Variants in PLEKHA7 observed in about 807,000 individuals in gnomAD.
The protein encoded by PLEKHA7 is pleckstrin homology domain-containing family A member 7.
Under a neutral mutation model 170.0 loss-of-function variants are expected in PLEKHA7, and 104 were observed. That is an observed-to-expected ratio of 0.61 (90% CI 0.52 to 0.72). The LOEUF (loss-of-function observed/expected upper bound fraction) is 0.72, where lower values mean the gene tolerates loss of function less well. Ranked by LOEUF, PLEKHA7 falls within the 30% of genes least tolerant of loss-of-function variation. The probability of loss-of-function intolerance (pLI) is 0.00; values close to 1 mark genes in which losing one functional copy is unlikely to be tolerated. For missense variants in PLEKHA7, 1,615 were observed against 1,671.7 expected (o/e 0.97, Z 0.59); for synonymous variants, 648 against 660.8 (o/e 0.98, Z 0.30).
Position 16,794,520 on chromosome 11 carries a change from G to T in PLEKHA7, c.2713C>A (p.Leu905Ile). The stretch of plus-strand genomic sequence containing the variant: ...GGCTTCGCCTTAGTTGGTGACTGAA[G>T]GGGGGATGTCACTTTCCTCAGCTGG... ...PPQLRKVTSP[L>I]QSPTKAKPKV... The change falls in exon 19 of 27, where the codon CTT becomes ATT. Residue 905 changes from leucine to isoleucine, a missense_variant. Coordinates refer to ENST00000531066, the MANE Select transcript of PLEKHA7 (RefSeq NM_001329630.2). The T allele has an allele frequency of 1.2e-6, 2 of 1,613,946 alleles. No homozygotes were observed. The highest frequency in any genetic ancestry group is 1.7e-6 in the Non-Finnish European group (2 of 1,179,990).
chr11:16,928,903 TAATA>T (rs553081373), intron 3 of PLEKHA7, among the ~76,000 whole-genome samples: 21 of 152,182 alleles, frequency 1.4e-4, no homozygotes, highest in African/African-American at 4.6e-4. Flanking sequence ...AAAGTTCAGT[TAATA>T]AATAAATAAA....
chr11:16,906,843 C>T (rs1857767135), intron 3 of PLEKHA7, among the ~76,000 whole-genome samples: 1 of 136,088 alleles, frequency 7.3e-6, no homozygotes, highest in African/African-American at 3.3e-5. Context: ...AAGTGAGGAG[C>T]ATCTCTGCCC....
chr11:16,799,033 ACCTATAATC>A (rs539564119), intron 17 of PLEKHA7, among the ~76,000 whole-genome samples: 307 of 152,344 alleles, frequency 2.0e-3, no homozygotes, highest in Middle Eastern at 3.4e-3. Flanking sequence ...GATGATAGAA[ACCTATAATC>A]CCTGCTGTCC....
chr11:17,012,064 CA>C (rs1484126633), intron 3 of PLEKHA7, among the ~76,000 whole-genome samples: 1 of 152,154 alleles, frequency 6.6e-6, no homozygotes, highest in Non-Finnish European at 1.5e-5. Context: ...TCAGGCAAGC[CA>C]CTTCTAACTC....
Position 16,803,313 on chromosome 11 carries a change from TA to T in PLEKHA7, c.2008-19del, listed in dbSNP as rs770739299. On this transcript the variant is annotated intron_variant, in intron 13 of 26. Coordinates refer to ENST00000531066, the MANE Select transcript of PLEKHA7 (RefSeq NM_001329630.2). ...CCTGTCATCTGGGAGGCGAACAATT[TA>T]AAAGAGATTTAACCATGGTGTTTGA... 11 of 1,603,474 alleles carry T rather than the reference TA, an allele frequency of 6.9e-6. No homozygotes were observed. Among genetic ancestry groups the T allele is most frequent in the Non-Finnish European group, 9.4e-6 (11 of 1,170,512 alleles).
intron 17 of PLEKHA7, among the ~76,000 whole-genome samples, chr11:16,800,341 G>A (rs1848510406): frequency 2.0e-5 from 3 of 152,230 alleles, no homozygotes; most frequent in African/African-American, 7.2e-5. Flanking sequence ...GCCTTTCACT[G>A]TCTCACTTCT....
chr11:16,897,568 AGGCTTTAAATG>A (rs1226085271), intron 3 of PLEKHA7, among the ~76,000 whole-genome samples: 1 of 152,160 alleles, frequency 6.6e-6, no homozygotes, highest in Non-Finnish European at 1.5e-5. Flanking sequence ...TAAGTACACA[AGGCTTTAAATG>A]GGCCACCCGC....
chr11:16,955,794 A>G (rs1318009306), intron 3 of PLEKHA7, among the ~76,000 whole-genome samples: 1 of 152,160 alleles, frequency 6.6e-6, no homozygotes, highest in Non-Finnish European at 1.5e-5. Context: ...ATCTAAAATT[A>G]AGGCAGGCTT....
chr11:16,940,707 T>C (rs1472103119), intron 3 of PLEKHA7, among the ~76,000 whole-genome samples: 2 of 152,098 alleles, frequency 1.3e-5, no homozygotes, highest in African/African-American at 4.8e-5. Flanking sequence ...AAAATGAAGA[T>C]AATTACCTTT....
intron 3 of PLEKHA7, among the ~76,000 whole-genome samples, chr11:16,935,660 G>A (rs1860238141): frequency 6.6e-6 from 1 of 152,214 alleles, no homozygotes. Context: ...TGAAAGCCTT[G>A]TGACATTTGC....
chr11:16,824,504 A>C (rs996068159), intron 10 of PLEKHA7, among the ~76,000 whole-genome samples: 3 of 152,244 alleles, frequency 2.0e-5, no homozygotes, highest in African/African-American at 7.2e-5. Context: ...AAAAGATCTC[A>C]TGTACCCACA....
chr11:16,996,853 G>A (rs917806076), intron 3 of PLEKHA7, among the ~76,000 whole-genome samples: 6 of 152,020 alleles, frequency 3.9e-5, no homozygotes, highest in East Asian at 1.9e-4. Context: ...GGAGAATGGC[G>A]TGAACCTGGG....
chr11:16,956,840 G>A (rs1861730524), intron 3 of PLEKHA7, among the ~76,000 whole-genome samples: 1 of 152,166 alleles, frequency 6.6e-6, no homozygotes, highest in Non-Finnish European at 1.5e-5. Context: ...GTTCTGCAAG[G>A]ACTGGCCAGC....
intron 3 of PLEKHA7, among the ~76,000 whole-genome samples, chr11:16,920,366 G>C (rs1358667739): frequency 6.6e-6 from 1 of 152,192 alleles, no homozygotes; most frequent in Non-Finnish European, 1.5e-5. Flanking sequence ...GAGGAAATTA[G>C]ATATGCCCAG....
At chr11:16,941,775 A>G (rs1424202327) in intron 3 of PLEKHA7, among the ~76,000 whole-genome samples, 1 of 152,226 alleles carries the variant, frequency 6.6e-6, no homozygotes, top group Non-Finnish European at 1.5e-5. Context: ...AAAGTTTTGT[A>G]CTTAAAACCT....
Position 16,800,406 on chromosome 11 carries a change from C to T in PLEKHA7, c.2409+568G>A, listed in dbSNP as rs147561429. The stretch of plus-strand genomic sequence containing the variant: ...GCCTGATTTTTTAAGGGTGAAGTGG[C>T]AGGGCTCTAAGGCCAACTTTCCTGA... On this transcript the variant is annotated intron_variant, in intron 17 of 26. Transcript: ENST00000531066. Among the ~76,000 whole-genome samples the T allele has an allele frequency of 1.0e-3, 154 of 152,268 alleles. 1 individual carries two copies. The highest frequency in any genetic ancestry group is 3.5e-3 in the African/African-American group (146 of 41,556).
intron 10 of PLEKHA7, among the ~76,000 whole-genome samples, chr11:16,820,557 G>A (rs216499): frequency 0.51 from 76,833 of 151,982 alleles, 20,472 homozygotes; most frequent in South Asian, 0.72. Context: ...AGGTGGTAGC[G>A]GTGGCAGAAA....
intron 3 of PLEKHA7, among the ~76,000 whole-genome samples, chr11:16,889,416 AAAAAATATATATAT>A (rs1856458393): frequency 9.1e-6 from 1 of 109,842 alleles, no homozygotes; most frequent in African/African-American, 4.0e-5. Context: ...AAAAAAAAAA[AAAAAATATATATAT>A]ATATATATAT....
intron 4 of PLEKHA7, among the ~76,000 whole-genome samples, chr11:16,857,925 G>A (rs1252883786): frequency 6.6e-6 from 1 of 152,130 alleles, no homozygotes; most frequent in Non-Finnish European, 1.5e-5. Flanking sequence ...CACCATGTTG[G>A]CCAGGCTTGT....
Sources: allele counts gnomAD v4.1 joint callset (sites outside exome capture counted in the v4.1 genomes callset), GRCh38; gene constraint gnomAD v4.1.1; transcripts MANE v1.5; gene names NCBI Gene and HGNC (gene_info 2026-07-23, HGNC 2026-07-21).